The following TMEM116 variants were observed in gnomAD, a reference collection of about 807,000 sequenced individuals.
TMEM116 encodes transmembrane protein 116.
A neutral mutation model predicts 44.3 loss-of-function variants in TMEM116; 38 were observed. The observed-to-expected ratio is 0.86, with a 90% CI of 0.66 to 1.12. The LOEUF (loss-of-function observed/expected upper bound fraction) is 1.12. Among genes scored for constraint, TMEM116 ranks in the 50% most tolerant of loss-of-function variants. TMEM116 has a pLI of 0.00. For synonymous variants in TMEM116, 132 were observed against 144.8 expected, an observed-to-expected ratio of 0.91 and a Z score of 0.64; for missense variants, 354 against 401.7, an observed-to-expected ratio of 0.88 and a Z score of 1.01.
At chr12:111,993,793 C>G (rs764201551) in intron 3 of TMEM116, 3 of 734,640 alleles carry the variant, frequency 4.1e-6, no homozygotes, top group East Asian at 2.6e-5. Flanking sequence ...AGGTTACATA[C>G]CTGGAGTGTT....
intron 3 of TMEM116, 88 bp from the exon 4 acceptor site, chr12:111,991,977 G>C: frequency 7.4e-7 from 1 of 1,352,258 alleles, no homozygotes; most frequent in South Asian, 1.4e-5. Flanking sequence ...TATGTTTCTA[G>C]TAGGAAACTG....
chr12:111,991,850 G>A lies in TMEM116; in HGVS notation c.118C>T (p.Leu40=), dbSNP rs1374266588. The part of the protein sequence containing the change: ...LFYLSFCDLL[L]GLCWLTETLL... ...GTCTCCGTGAGCCAGCAAAGTCCCAGGAGCAGGTCACAGAAGCTCAGATAA... is the reference window on the plus strand; with the variant it reads ...GTCTCCGTGAGCCAGCAAAGTCCCAAGAGCAGGTCACAGAAGCTCAGATAA... Residue 40 remains leucine (L), a synonymous_variant, in exon 4 of 11, where the codon CTG becomes TTG. Coordinates refer to ENST00000552374, the MANE Select transcript of TMEM116 (RefSeq NM_001193531.2). 1.3e-6 allele frequency: 2 copies of A among 1,536,142 alleles called. No individual in the cohort carries two copies. The highest frequency in any genetic ancestry group is 1.7e-6 in the Non-Finnish European group (2 of 1,146,706).
chr12:111,937,268 C>A, intron 6 of TMEM116, 25 bp from the exon 7 acceptor site: 1 of 1,562,780 alleles, frequency 6.4e-7, no homozygotes, highest in South Asian at 1.1e-5. Context: ...AAGTATCACC[C>A]TAATATCCAC....
chr12:111,960,025 GC>G (rs1254836405), intron 4 of TMEM116, among the ~76,000 whole-genome samples: 1 of 152,106 alleles, frequency 6.6e-6, no homozygotes, highest in African/African-American at 2.4e-5. Context: ...AGAACTCTCT[GC>G]CCTAAATCAA....
At chr12:111,991,029 G>A (rs936042100) in intron 4 of TMEM116, among the ~76,000 whole-genome samples, 3 of 151,942 alleles carry the variant, frequency 2.0e-5, no homozygotes, top group Non-Finnish European at 4.4e-5. Context: ...GACCATCCTG[G>A]CCAACATGGT....
intron 5 of TMEM116, among the ~76,000 whole-genome samples, chr12:111,940,090 T>C (rs1293496656): frequency 6.6e-6 from 1 of 151,840 alleles, no homozygotes; most frequent in Non-Finnish European, 1.5e-5. Flanking sequence ...CTGGCCAACA[T>C]GGCAAAACCC....
intron 4 of TMEM116, among the ~76,000 whole-genome samples, chr12:111,980,852 T>C (rs549773668): frequency 1.3e-3 from 205 of 152,220 alleles, no homozygotes; most frequent in African/African-American, 4.5e-3. Flanking sequence ...GGTGGGCAGA[T>C]TGCATGAGCT....
chr12:111,982,430 A>G (rs1379199380), intron 4 of TMEM116, among the ~76,000 whole-genome samples: 2 of 151,520 alleles, frequency 1.3e-5, no homozygotes, highest in East Asian at 1.9e-4. Context: ...CCTCCTGAGT[A>G]GCTGAAACTA....
At chr12:111,991,217 CAAAAA>C (rs59103081) in intron 4 of TMEM116, among the ~76,000 whole-genome samples, 14 of 62,828 alleles carry the variant, frequency 2.2e-4, no homozygotes, top group East Asian at 4.1e-4. Flanking sequence ...GACTCTGTCT[CAAAAA>C]AAAAAAAAAA....
chr12:111,959,146 T>C (rs2074386195), intron 4 of TMEM116, among the ~76,000 whole-genome samples: 1 of 152,136 alleles, frequency 6.6e-6, no homozygotes, highest in South Asian at 2.1e-4. Context: ...TAACAGTAGA[T>C]CTCTCTGCAG....
At chr12:112,010,063 T>A (rs1757259636) in intron 1 of TMEM116, among the ~76,000 whole-genome samples, 1 of 152,028 alleles carries the variant, frequency 6.6e-6, no homozygotes, top group African/African-American at 2.4e-5. Flanking sequence ...GACTCCCTCC[T>A]ATCTGAGCTT....
At chr12:111,994,350 C>T (rs888568004) in intron 3 of TMEM116, among the ~76,000 whole-genome samples, 6 of 152,138 alleles carry the variant, frequency 3.9e-5, no homozygotes, top group Non-Finnish European at 7.4e-5. Context: ...GCCAGCAGCC[C>T]GCAATGCAAC....
At chr12:112,005,425 T>A (rs1029284804) in intron 1 of TMEM116, 122 bp from the exon 2 acceptor site, 13 of 701,448 alleles carry the variant, frequency 1.9e-5, no homozygotes, top group Non-Finnish European at 2.6e-5. Flanking sequence ...CAAAACATAC[T>A]ATAAGCCTGA....
chr12:111,943,497 T>C, intron 4 of TMEM116, 128 bp from the exon 5 acceptor site: 1 of 686,272 alleles, frequency 1.5e-6, no homozygotes, highest in South Asian at 1.8e-5. Context: ...TACCATCTAG[T>C]GTCCATACCA....
chr12:111,989,237 C>T (rs2076404747), intron 4 of TMEM116, among the ~76,000 whole-genome samples: 1 of 152,160 alleles, frequency 6.6e-6, no homozygotes. Context: ...TTTGCTCAAG[C>T]ATGTACCTCA....
intron 4 of TMEM116, among the ~76,000 whole-genome samples, chr12:111,951,970 C>G (rs1253783030): frequency 6.6e-6 from 1 of 152,086 alleles, no homozygotes; most frequent in Non-Finnish European, 1.5e-5. Flanking sequence ...TGGCTCATGC[C>G]TGTAATCCCA....
Position 111,991,859 on chromosome 12 carries a change from C to T in TMEM116, c.109G>A (p.Asp37Asn). 6.5e-7 allele frequency: 1 copy of T among 1,535,886 alleles called. No homozygotes were observed. The highest frequency in any genetic ancestry group is 1.7e-4 in the Middle Eastern group (1 of 5,986). Residue 37 changes from aspartate to asparagine, a missense_variant, in exon 4 of 11, where the codon GAC becomes AAC. Physicochemically the swap from Asp to Asn is conservative, Grantham distance 23. Coordinates refer to ENST00000552374, the MANE Select transcript of TMEM116 (RefSeq NM_001193531.2). ...IRPLFYLSFC[D>N]LLLGLCWLTE... ...AGCCAGCAAAGTCCCAGGAGCAGGT[C>T]ACAGAAGCTCAGATAAAAAAGTGGT...
intron 4 of TMEM116, among the ~76,000 whole-genome samples, chr12:111,974,634 G>A (rs1273041956): frequency 2.8e-5 from 4 of 140,610 alleles, no homozygotes; most frequent in Admixed American, 1.5e-4. Flanking sequence ...CAGCCTAGGC[G>A]ACAGAGTGAG....
At chr12:111,986,337 C>T (rs564333034) in intron 4 of TMEM116, among the ~76,000 whole-genome samples, 173 of 151,254 alleles carry the variant, frequency 1.1e-3, no homozygotes, top group Non-Finnish European at 2.1e-3. Context: ...TCAGACTGGG[C>T]GACAGAGCAA....
Sources: allele counts gnomAD v4.1 joint callset (sites outside exome capture counted in the v4.1 genomes callset), GRCh38; gene constraint gnomAD v4.1.1; transcripts MANE v1.5; gene names NCBI Gene and HGNC (gene_info 2026-07-23, HGNC 2026-07-21).